The following MOGAT1 variants were observed in gnomAD, a reference collection of about 807,000 sequenced individuals.
The protein encoded by MOGAT1 is 2-acylglycerol O-acyltransferase 1.
In MOGAT1, 32 loss-of-function variants were observed where a neutral mutation model predicts 31.4. That is an observed-to-expected ratio of 1.02 (90% CI 0.77 to 1.37). The LOEUF (loss-of-function observed/expected upper bound fraction) is 1.37. MOGAT1 is among the 40% of genes most tolerant of loss of function. The probability of loss-of-function intolerance (pLI) is 0.00; values close to 1 mark genes in which losing one functional copy is unlikely to be tolerated. For synonymous variants in MOGAT1, 145 were observed against 144.5 expected (o/e 1.00, Z -0.03); for missense variants, 426 against 402.0 (o/e 1.06, Z -0.51).
intron 1 of MOGAT1, among the ~76,000 whole-genome samples, chr2:222,685,221 C>T (rs1692646063): frequency 6.6e-6 from 1 of 152,168 alleles, no homozygotes; most frequent in Non-Finnish European, 1.5e-5. Flanking sequence ...CCATCTGCAG[C>T]TACATTTTGC....
chr2:222,678,742 A>T (rs1574969375), intron 1 of MOGAT1, among the ~76,000 whole-genome samples: 2 of 152,158 alleles, frequency 1.3e-5, no homozygotes, highest in Admixed American at 1.3e-4. Flanking sequence ...GGAGTTCAAC[A>T]CCAGCCTGGC....
intron 5 of MOGAT1, among the ~76,000 whole-genome samples, chr2:222,698,060 A>G (rs1030392507): frequency 1.3e-5 from 2 of 152,200 alleles, no homozygotes; most frequent in Admixed American, 1.3e-4. Flanking sequence ...TGAGATTCTT[A>G]TGACAAGAGA....
Position 222,688,355 on chromosome 2 carries a change from A to G in MOGAT1, c.106A>G (p.Ile36Val). 6.2e-7 allele frequency: 1 copy of G among 1,609,894 alleles called. No homozygotes were observed. The highest frequency in any genetic ancestry group is 8.5e-7 in the Non-Finnish European group (1 of 1,178,162). Residue 36 changes from isoleucine to valine, a missense_variant, in exon 2 of 6, where the codon ATT becomes GTT. Transcript: ENST00000446656. ...TTCTTTTCTTACAGGGCCGATGTCC[A>G]TTGGAATCACTGTGATGCTGATCAT... is the stretch of plus-strand genomic sequence containing the variant. ...LKYLLLGPMS[I>V]GITVMLIIHN...
intron 3 of MOGAT1, among the ~76,000 whole-genome samples, chr2:222,693,409 G>A (rs1692793490): frequency 6.8e-6 from 1 of 148,132 alleles, no homozygotes; most frequent in Admixed American, 6.7e-5. Flanking sequence ...TTGGAAACAT[G>A]TAGAGATCTG....
At position 222,683,272 on chromosome 2, in the gene MOGAT1, G is replaced by A. The variant is rs1286219016; in HGVS notation, c.95-5072G>A. 3.9e-5 allele frequency among the ~76,000 whole-genome samples: 6 copies of A among 151,964 alleles called. No individual in the cohort carries two copies. In the East Asian group the frequency reaches 1.2e-3, roughly 29 times the overall value. On this transcript the variant is annotated intron_variant, in intron 1 of 5. Transcript: ENST00000446656. Reference sequence around the variant, plus strand: ...AGTGGTGGAGCTGAGGGAGGAATGGGGAGTAACTGCTTAATGGGTAAAGGG... The same window carrying A: ...AGTGGTGGAGCTGAGGGAGGAATGGAGAGTAACTGCTTAATGGGTAAAGGG...
At chr2:222,676,356 A>G (rs1458148601) in intron 1 of MOGAT1, among the ~76,000 whole-genome samples, 1 of 152,130 alleles carries the variant, frequency 6.6e-6, no homozygotes, top group African/African-American at 2.4e-5. Context: ...ATGGAATCAC[A>G]TCATATATAC....
In MOGAT1 at chr2:222,703,102, C is replaced by G. The variant is rs1380886566; in HGVS notation, c.854-6634C>G. ...GATTTTTGCAAGTATGTGGGAACCC[C>G]CATAAGAAAATGAAGACCCAGAGAA... On this transcript the variant is annotated intron_variant, in intron 5 of 5. Coordinates refer to ENST00000446656, the MANE Select transcript of MOGAT1 (RefSeq NM_058165.3). Among the ~76,000 whole-genome samples the G allele has an allele frequency of 2.6e-5, 4 of 151,922 alleles. No homozygotes were observed. In the East Asian group the frequency reaches 7.7e-4, roughly 29 times the overall value.
chr2:222,685,975 T>A (rs562331011), intron 1 of MOGAT1, among the ~76,000 whole-genome samples: 9 of 152,296 alleles, frequency 5.9e-5, no homozygotes, highest in African/African-American at 1.9e-4. Context: ...TAGCCGGGGT[T>A]CGGTTAGTGA....
At chr2:222,701,258 G>C (rs1055361890) in intron 5 of MOGAT1, among the ~76,000 whole-genome samples, 9 of 143,648 alleles carry the variant, frequency 6.3e-5, no homozygotes, top group Non-Finnish European at 1.1e-4. Flanking sequence ...AGACTGTCTT[G>C]AAAGAAAGAG....
chr2:222,677,580 G>A (rs921772788), intron 1 of MOGAT1: 1 of 192,840 alleles, frequency 5.2e-6, no homozygotes. Context: ...ATTTGTCTAA[G>A]GCTAGAAAGG....
chr2:222,689,198 T>A (rs970366939), intron 2 of MOGAT1, 67 bp from the exon 3 acceptor site: 4 of 1,350,412 alleles, frequency 3.0e-6, no homozygotes, highest in Non-Finnish European at 4.0e-6. Flanking sequence ...CTAGTCCTTT[T>A]GTTTCTCATT....
chr2:222,678,996 A>G (rs901191228), intron 1 of MOGAT1, among the ~76,000 whole-genome samples: 4 of 152,016 alleles, frequency 2.6e-5, no homozygotes, highest in Admixed American at 1.3e-4. Flanking sequence ...TTTCTTCTAT[A>G]TTTTCTCCTA....
intron 1 of MOGAT1, among the ~76,000 whole-genome samples, chr2:222,687,972 A>G (rs753937679): frequency 8.5e-5 from 13 of 152,208 alleles, no homozygotes; most frequent in Non-Finnish European, 1.9e-4. Flanking sequence ...TGGCTTGGGC[A>G]ACTCACTTAA....
chr2:222,704,291 G>A (rs6436330), intron 5 of MOGAT1, among the ~76,000 whole-genome samples: 73,951 of 151,904 alleles, frequency 0.49, 18,703 homozygotes, highest in Middle Eastern at 0.62. Flanking sequence ...TTTCTGTGGA[G>A]AGAGAAAATT....
In MOGAT1 at chr2:222,695,913, C is replaced by T. The variant is rs184934307; in HGVS notation, c.853+625C>T. 2.4e-4 allele frequency among the ~76,000 whole-genome samples: 37 copies of T among 152,212 alleles called. No individual in the cohort carries two copies. The Middle Eastern group carries it at 0.01, about 42-fold the overall frequency. ...ATATGTAGTCTTTTATCCCTCACCC[C>T]TCTTCCACTCTTTCCCCCGAGTCCC... On this transcript the variant is annotated intron_variant, in intron 5 of 5. Coordinates refer to ENST00000446656, the MANE Select transcript of MOGAT1 (RefSeq NM_058165.3).
intron 1 of MOGAT1, among the ~76,000 whole-genome samples, chr2:222,674,263 G>A (rs535261612): frequency 3.9e-5 from 6 of 152,186 alleles, no homozygotes; most frequent in Non-Finnish European, 7.3e-5. Flanking sequence ...TGACATTAGT[G>A]TTAGCAGGAG....
At position 222,694,482 on chromosome 2, in the gene MOGAT1, T is replaced by G. The variant is rs1162528228; in HGVS notation, c.599T>G (p.Phe200Cys). 1 of 1,613,936 alleles carries G rather than the reference T, an allele frequency of 6.2e-7. No individual in the cohort carries two copies. The highest frequency in any genetic ancestry group is 2.2e-5 in the East Asian group (1 of 44,884). ...TCACTGGATGCTCATCCTGGAAAGT[T>G]CACTCTGTTCATCCGCCAGCGGAAA... Reference protein sequence around the residue: ...KESLDAHPGKFTLFIRQRKGF... With the variant: ...KESLDAHPGKCTLFIRQRKGF... The change falls in exon 4 of 6, where the codon TTC (phenylalanine) becomes TGC (cysteine). Residue 200 changes from phenylalanine (F) to cysteine (C), a missense_variant. Transcript: ENST00000446656.
intron 1 of MOGAT1, among the ~76,000 whole-genome samples, chr2:222,680,798 T>C (rs536542143): frequency 2.6e-4 from 40 of 152,308 alleles, no homozygotes; most frequent in African/African-American, 9.1e-4. Context: ...TGGATGAGAA[T>C]AGGAAGAAAC....
At chr2:222,702,152 A>G (rs1331816865) in intron 5 of MOGAT1, among the ~76,000 whole-genome samples, 1 of 152,202 alleles carries the variant, frequency 6.6e-6, no homozygotes, top group Non-Finnish European at 1.5e-5. Context: ...TAATCAGACA[A>G]ATCCAGATTG....
Sources: gnomAD v4.1 joint callset for allele counts (sites outside exome capture counted in the v4.1 genomes callset) on GRCh38, gnomAD v4.1.1 for gene constraint, MANE v1.5 for transcripts, NCBI Gene and HGNC (gene_info 2026-07-23, HGNC 2026-07-21) for gene names.